SYNDIG1: variants seen among roughly 807,000 people sequenced by gnomAD.
SYNDIG1 encodes the protein synapse differentiation inducing 1.
Under a neutral mutation model 19.4 loss-of-function variants are expected in SYNDIG1, and 9 were observed. The observed-to-expected ratio is 0.46, with a 90% CI of 0.28 to 0.81. The LOEUF (loss-of-function observed/expected upper bound fraction) is 0.81. Ranked by LOEUF, SYNDIG1 falls within the 30% of genes least tolerant of loss-of-function variation. The probability of loss-of-function intolerance (pLI) is 0.12; values close to 1 mark genes in which losing one functional copy is unlikely to be tolerated. For missense variants in SYNDIG1, 311 were observed against 343.3 expected (o/e 0.91, Z 0.74); for synonymous variants, 141 against 145.9 (o/e 0.97, Z 0.24).
At chr20:24,489,871 A>C (rs1328958776) in intron 1 of SYNDIG1, among the ~76,000 whole-genome samples, 1 of 152,230 alleles carries the variant, frequency 6.6e-6, no homozygotes. Flanking sequence ...GGAGTGCGTT[A>C]AGAAGCCCTG....
intron 3 of SYNDIG1, among the ~76,000 whole-genome samples, chr20:24,608,839 C>A (rs1433448909): frequency 6.6e-6 from 1 of 152,142 alleles, no homozygotes; most frequent in Non-Finnish European, 1.5e-5. Flanking sequence ...TCTTGACCAA[C>A]CCTTGCATTC....
At chr20:24,629,855 G>A (rs1212278544) in intron 3 of SYNDIG1, among the ~76,000 whole-genome samples, 1 of 152,234 alleles carries the variant, frequency 6.6e-6, no homozygotes, top group Non-Finnish European at 1.5e-5. Flanking sequence ...CCGGAACTGA[G>A]ATATTATCAG....
intron 3 of SYNDIG1, among the ~76,000 whole-genome samples, chr20:24,641,360 A>G (rs548995342): frequency 1.3e-5 from 2 of 152,288 alleles, no homozygotes; most frequent in East Asian, 3.9e-4. Flanking sequence ...TGGTACACCA[A>G]AGTGGTGAGT....
intron 1 of SYNDIG1, among the ~76,000 whole-genome samples, chr20:24,495,205 C>T (rs2056266347): frequency 6.6e-6 from 1 of 152,198 alleles, no homozygotes; most frequent in Admixed American, 6.5e-5. Flanking sequence ...TCAGGGACAT[C>T]AGAAGGGAGG....
At chr20:24,582,140 G>A in intron 2 of SYNDIG1, among the ~76,000 whole-genome samples, 1 of 90,548 alleles carries the variant, frequency 1.1e-5, no homozygotes, top group African/African-American at 4.6e-5. Flanking sequence ...CGTCCTCCCT[G>A]CTGCACTCCC....
At chr20:24,562,221 A>C (rs2057960256) in intron 2 of SYNDIG1, among the ~76,000 whole-genome samples, 1 of 152,246 alleles carries the variant, frequency 6.6e-6, no homozygotes, top group Admixed American at 6.5e-5. Flanking sequence ...TGTGCTGCCC[A>C]AATTGCAGCA....
chr20:24,519,572 G>T (rs769600672), intron 1 of SYNDIG1, among the ~76,000 whole-genome samples: 8 of 152,174 alleles, frequency 5.3e-5, no homozygotes, highest in Non-Finnish European at 8.8e-5. Flanking sequence ...TAGAAGCATA[G>T]TATTCTTCAA....
intron 3 of SYNDIG1, among the ~76,000 whole-genome samples, chr20:24,663,201 C>T (rs2147411848): frequency 6.6e-6 from 1 of 152,212 alleles, no homozygotes; most frequent in East Asian, 1.9e-4. Context: ...TGAAGGCAGC[C>T]TGCTTGCTAA....
At chr20:24,617,613 C>T (rs953154280) in intron 3 of SYNDIG1, among the ~76,000 whole-genome samples, 2 of 152,162 alleles carry the variant, frequency 1.3e-5, no homozygotes, top group South Asian at 4.1e-4. Flanking sequence ...ACTCCTCTGC[C>T]GACCCAGCAA....
intron 1 of SYNDIG1, among the ~76,000 whole-genome samples, chr20:24,490,555 A>C (rs2056116417): frequency 6.6e-6 from 1 of 151,912 alleles, no homozygotes; most frequent in African/African-American, 2.4e-5. Flanking sequence ...AGATCATTCA[A>C]CCTCTCTGTG....
chr20:24,565,659 G>A (rs575081277), intron 2 of SYNDIG1, among the ~76,000 whole-genome samples: 36 of 152,306 alleles, frequency 2.4e-4, no homozygotes, highest in Admixed American at 1.2e-3. Flanking sequence ...TGCTTTAGCC[G>A]TTTAAAAATG....
At chr20:24,566,130 T>C (rs1283009904) in intron 2 of SYNDIG1, among the ~76,000 whole-genome samples, 5 of 152,120 alleles carry the variant, frequency 3.3e-5, no homozygotes, top group Non-Finnish European at 5.9e-5. Flanking sequence ...ACAGAGGGAA[T>C]CTCAGCCTGA....
chr20:24,516,055 C>T (rs921863355), intron 1 of SYNDIG1, among the ~76,000 whole-genome samples: 21 of 152,200 alleles, frequency 1.4e-4, no homozygotes, highest in African/African-American at 5.1e-4. Flanking sequence ...ACCATCTGAT[C>T]TTTGACAAAC....
rs73612612 is a variant in SYNDIG1, at chr20:24,584,819, T to G, written c.481-37T>G. ...CCCCAGGATGACTCCTTTATTAATC[T>G]TCTCTCCTGTCCTGTCCTGCTGGTT... is the stretch of plus-strand genomic sequence containing the variant. On this transcript the variant is annotated intron_variant, in intron 2 of 3. Coordinates refer to ENST00000376862, the MANE Select transcript of SYNDIG1 (RefSeq NM_024893.3). 2.7e-3 allele frequency: 4,353 copies of G among 1,613,634 alleles called. 110 individuals carry two copies. In the East Asian group the frequency reaches 0.066, roughly 24 times the overall value.
At chr20:24,620,176 A>G (rs891462674) in intron 3 of SYNDIG1, among the ~76,000 whole-genome samples, 1 of 152,208 alleles carries the variant, frequency 6.6e-6, no homozygotes, top group Non-Finnish European at 1.5e-5. Context: ...AAACCTCAAA[A>G]TTGTATTTAC....
chr20:24,565,731 A>G (rs543970508), intron 2 of SYNDIG1, among the ~76,000 whole-genome samples: 1 of 152,226 alleles, frequency 6.6e-6, no homozygotes, highest in South Asian at 2.1e-4. Flanking sequence ...GGGATCTCCC[A>G]GCAGCCCCAA....
chr20:24,475,443 A>T (rs2055590977), intron 1 of SYNDIG1, among the ~76,000 whole-genome samples: 1 of 152,248 alleles, frequency 6.6e-6, no homozygotes, highest in Admixed American at 6.5e-5. Context: ...TGTCTCCCTT[A>T]TAAGAAACCT....
chr20:24,628,728 A>G lies in SYNDIG1; in HGVS notation c.619-36618A>G, dbSNP rs141152490. 4.1e-3 allele frequency among the ~76,000 whole-genome samples: 631 copies of G among 152,216 alleles called. 1 individual carries two copies. The highest frequency in any genetic ancestry group is 8.1e-3 in the Admixed American group (124 of 15,292). On this transcript the variant is annotated intron_variant, in intron 3 of 3. Coordinates refer to ENST00000376862, the MANE Select transcript of SYNDIG1 (RefSeq NM_024893.3). ...TGCAGCCAAGCTGGTGGTCCCCAGG[A>G]AGCACACACCCCTGCTCCACCCTTT...
intron 1 of SYNDIG1, among the ~76,000 whole-genome samples, chr20:24,477,783 T>C (rs2055677260): frequency 6.6e-6 from 1 of 152,062 alleles, no homozygotes; most frequent in African/African-American, 2.4e-5. Context: ...CTGGGAGATA[T>C]TTGCCCTTCA....
Sources: gnomAD v4.1 joint callset for allele counts (sites outside exome capture counted in the v4.1 genomes callset) on GRCh38, gnomAD v4.1.1 for gene constraint, MANE v1.5 for transcripts, NCBI Gene and HGNC (gene_info 2026-07-23, HGNC 2026-07-21) for gene names.